The following NRXN1 variants were observed in gnomAD, a reference collection of about 807,000 sequenced individuals.
The protein encoded by NRXN1 is neurexin-1.
A neutral mutation model predicts 150.9 loss-of-function variants in NRXN1; 39 were observed. The ratio of observed to expected loss-of-function variants is 0.26; its 90% CI spans 0.20 to 0.34. The LOEUF (loss-of-function observed/expected upper bound fraction) is 0.34. Among genes scored for constraint, NRXN1 ranks in the 10% least tolerant of loss-of-function variants. The probability of loss-of-function intolerance (pLI) is 1.00; values close to 1 mark genes in which losing one functional copy is unlikely to be tolerated. For synonymous variants in NRXN1, 924 were observed against 757.0 expected, an observed-to-expected ratio of 1.22 and a Z score of -3.62; for missense variants, 1,815 against 1,949.9, an observed-to-expected ratio of 0.93 and a Z score of 1.30.
rs1169668668 is a variant in NRXN1 at position 50,054,985 on chromosome 2, G to A, written c.3778C>T (p.Arg1260Ter). Reference sequence around the variant, plus strand: ...TCGAGTAGCCATTCATCAACTACTCGACCAAGTCGATATGGAATTCGCTGT... The same window carrying A: ...TCGAGTAGCCATTCATCAACTACTCAACCAAGTCGATATGGAATTCGCTGT... Reference protein sequence around the residue: ...ARQRIPYRLGRVVDEWLLDKG... With the variant: ...ARQRIPYRLG The change falls in exon 20 of 23, where the codon CGA becomes TGA. Residue 1260 changes from arginine (R) to a stop codon, truncating the protein, a stop_gained. Transcript: ENST00000401669. LOFTEE classifies it high-confidence loss of function. 2 of 1,592,948 alleles carry A rather than the reference G, an allele frequency of 1.3e-6. No homozygotes were observed. The highest frequency in any genetic ancestry group is 1.7e-6 in the Non-Finnish European group (2 of 1,171,872).
chr2:50,867,948 A>G (rs913035410), intron 5 of NRXN1, among the ~76,000 whole-genome samples: 24 of 151,604 alleles, frequency 1.6e-4, no homozygotes, highest in Non-Finnish European at 3.1e-4. Flanking sequence ...CCTTTACTAG[A>G]GTTTATACTT....
chr2:50,726,689 A>T (rs1232547381), intron 5 of NRXN1, among the ~76,000 whole-genome samples: 3 of 152,186 alleles, frequency 2.0e-5, no homozygotes, highest in Admixed American at 1.3e-4. Flanking sequence ...GACAGAAGCC[A>T]CCTAGAATTA....
At chr2:50,098,841 T>G (rs1573903748) in intron 18 of NRXN1, among the ~76,000 whole-genome samples, 8 of 8,036 alleles carry the variant, frequency 1.0e-3, no homozygotes, top group African/African-American at 7.4e-3. Flanking sequence ...TTTTTTTTTT[T>G]TTTTTTTTTT....
intron 17 of NRXN1, among the ~76,000 whole-genome samples, chr2:50,349,748 G>A (rs998300738): frequency 6.6e-6 from 1 of 152,164 alleles, no homozygotes; most frequent in African/African-American, 2.4e-5. Flanking sequence ...ACATGAAGGC[G>A]TTATGTCTCT....
At chr2:50,136,691 G>A (rs1706461322) in intron 18 of NRXN1, among the ~76,000 whole-genome samples, 1 of 152,172 alleles carries the variant, frequency 6.6e-6, no homozygotes, top group Non-Finnish European at 1.5e-5. Context: ...AGGCATAACA[G>A]CCATGAAATC....
rs183356862 is a variant in NRXN1, at chr2:50,757,101, T to C, written c.833-133486A>G. On this transcript the variant is annotated intron_variant, in intron 5 of 22. Transcript: ENST00000401669. ...TTTCTCTCTTGAATGACAGAATTTC[T>C]ATATTAAGAGAGTATGTGGAGACAA... Among the ~76,000 whole-genome samples the C allele has an allele frequency of 2.2e-3, 329 of 152,002 alleles. 2 individuals carry two copies. Among genetic ancestry groups the C allele is most frequent in the Admixed American group, 4.8e-3 (73 of 15,228 alleles).
intron 19 of NRXN1, among the ~76,000 whole-genome samples, chr2:50,075,350 G>A (rs955707267): frequency 6.6e-6 from 1 of 152,128 alleles, no homozygotes. Context: ...ATGGAGACTG[G>A]GGAGGAATAT....
At chr2:50,675,489 A>G (rs991130456) in intron 5 of NRXN1, among the ~76,000 whole-genome samples, 5 of 152,162 alleles carry the variant, frequency 3.3e-5, no homozygotes, top group Admixed American at 3.3e-4. Context: ...GGCTTGCTGT[A>G]TAAATAAGCA....
chr2:50,612,216 G>A (rs995236948), intron 8 of NRXN1, among the ~76,000 whole-genome samples: 6 of 150,126 alleles, frequency 4.0e-5, no homozygotes, highest in African/African-American at 7.3e-5. Flanking sequence ...GCCAAATAGG[G>A]ATAGTATTTA....
intron 17 of NRXN1, among the ~76,000 whole-genome samples, chr2:50,281,148 CAAAAAAA>C (rs70946898): frequency 5.6e-5 from 6 of 107,144 alleles, no homozygotes; most frequent in Admixed American, 2.1e-4. Context: ...ACTAAAAATA[CAAAAAAA>C]AAAAAAAAAA....
At chr2:50,771,874 C>T (rs906845777) in intron 5 of NRXN1, among the ~76,000 whole-genome samples, 19 of 151,962 alleles carry the variant, frequency 1.3e-4, no homozygotes, top group Admixed American at 5.2e-4. Context: ...AGAATTCCTG[C>T]CCTAATAAAA....
chr2:50,776,627 T>C (rs937441570), intron 5 of NRXN1, among the ~76,000 whole-genome samples: 7 of 137,674 alleles, frequency 5.1e-5, no homozygotes, highest in African/African-American at 1.5e-4. Flanking sequence ...ACCATACATA[T>C]AGTGAGATAT....
chr2:51,026,863 G>A (rs987970054), intron 2 of NRXN1, among the ~76,000 whole-genome samples: 3 of 152,236 alleles, frequency 2.0e-5, no homozygotes, highest in Non-Finnish European at 2.9e-5. Flanking sequence ...ATTCCAAAAA[G>A]CCTCCTGCTA....
At chr2:50,334,570 C>G (rs1160464174) in intron 17 of NRXN1, among the ~76,000 whole-genome samples, 1 of 152,102 alleles carries the variant, frequency 6.6e-6, no homozygotes, top group Non-Finnish European at 1.5e-5. Context: ...AAGTCATGTT[C>G]TTTGGAGGTC....
intron 18 of NRXN1, among the ~76,000 whole-genome samples, chr2:50,161,374 A>C (rs2152786758): frequency 6.6e-6 from 1 of 152,256 alleles, no homozygotes; most frequent in South Asian, 2.1e-4. Flanking sequence ...AAACTAACAC[A>C]TGCTTCTCCA....
chr2:50,013,472 G>C (rs1686050172), intron 21 of NRXN1, among the ~76,000 whole-genome samples: 1 of 151,910 alleles, frequency 6.6e-6, no homozygotes, highest in Non-Finnish European at 1.5e-5. Context: ...TTTTAATAAG[G>C]ATTACTTTTG....
chr2:50,094,482 T>C (rs1558865371), intron 18 of NRXN1, among the ~76,000 whole-genome samples: 3 of 152,166 alleles, frequency 2.0e-5, no homozygotes, highest in Admixed American at 6.5e-5. Context: ...AAATTTGATA[T>C]GTGTCTTCTG....
chr2:50,285,852 G>T (rs1444856590), intron 17 of NRXN1, among the ~76,000 whole-genome samples: 1 of 143,348 alleles, frequency 7.0e-6, no homozygotes, highest in Non-Finnish European at 1.5e-5. Context: ...GTGTATAAAA[G>T]AGTTTTTTTG....
rs1474358394 is a variant in NRXN1, at chr2:51,028,333, A to G, written c.-60T>C. 12 of 1,182,704 alleles carry G rather than the reference A, an allele frequency of 1.0e-5. No homozygotes were observed. Among genetic ancestry groups the G allele is most frequent in the Non-Finnish European group, 1.4e-5 (12 of 885,568 alleles). The allele number at this position is 1,182,704 out of a possible 1,614,324, so 73.3% of individuals were successfully genotyped here. A position where few individuals can be genotyped will look rare whatever the true frequency, so the allele number is the denominator to read the frequency against. On this transcript the variant is annotated 5_prime_UTR_variant, in exon 2 of 23. Coordinates refer to ENST00000401669, the MANE Select transcript of NRXN1 (RefSeq NM_001330078.2). ...GCCGACAGGGTCAAAATGGTCCTGG[A>G]CACCGTGACGAAGAAATAAGGGTCC...
Sources: gnomAD v4.1 joint callset for allele counts (sites outside exome capture counted in the v4.1 genomes callset) on GRCh38, gnomAD v4.1.1 for gene constraint, MANE v1.5 for transcripts, NCBI Gene and HGNC (gene_info 2026-07-23, HGNC 2026-07-21) for gene names.